The following SNTA1 variants were observed in gnomAD, a reference collection of about 807,000 sequenced individuals.
The protein encoded by SNTA1 is syntrophin alpha 1, also known as alpha-1-syntrophin.
SNTA1 carries 31 observed loss-of-function variants against 47.1 expected under a neutral mutation model. The ratio of observed to expected loss-of-function variants is 0.66; its 90% CI spans 0.49 to 0.89. The LOEUF (loss-of-function observed/expected upper bound fraction) is 0.89. SNTA1 is among the 40% of genes least tolerant of loss of function. The pLI is 0.00. For synonymous variants in SNTA1, 300 were observed against 313.6 expected (o/e 0.96, Z 0.46); for missense variants, 575 against 693.0 (o/e 0.83, Z 1.91).
At chr20:33,426,757 A>C (rs1418763576) in intron 2 of SNTA1, among the ~76,000 whole-genome samples, 1 of 151,844 alleles carries the variant, frequency 6.6e-6, no homozygotes, top group Non-Finnish European at 1.5e-5. Flanking sequence ...CATCTCAAAC[A>C]AACAAACAAA....
chr20:33,436,038 C>G (rs886304471), intron 2 of SNTA1, among the ~76,000 whole-genome samples: 2 of 151,840 alleles, frequency 1.3e-5, no homozygotes, highest in Non-Finnish European at 2.9e-5. Context: ...ACTAATAATA[C>G]AAAAAATTAG....
intron 1 of SNTA1, 151 bp downstream of exon 1, chr20:33,443,160 G>T: frequency 2.1e-6 from 1 of 485,832 alleles, no homozygotes; most frequent in Non-Finnish European, 3.4e-6. Flanking sequence ...ACCTTGGTGT[G>T]CCCAGTGCCC....
Position 33,443,532 on chromosome 20 carries a change from C to G in SNTA1, c.89G>C (p.Arg30Pro). ...GSGAGGERWQ[R>P]VLLSLAEDVL... ...GTCCTCCGCCAGACTCAGCAGCACC[C>G]GCTGCCATCGCTCGCCGCCGGCCCC... Residue 30 changes from arginine to proline, a missense_variant, in exon 1 of 8, where the codon CGG becomes CCG. Coordinates refer to ENST00000217381, the MANE Select transcript of SNTA1 (RefSeq NM_003098.3). 1 of 1,347,908 alleles carries G rather than the reference C, an allele frequency of 7.4e-7. No homozygotes were observed. Among genetic ancestry groups the G allele is most frequent in the Non-Finnish European group, 9.6e-7 (1 of 1,042,646 alleles). The allele number at this position is 1,347,908 out of a possible 1,614,324, so 83.5% of individuals were successfully genotyped here. A position where few individuals can be genotyped will look rare whatever the true frequency, so the allele number is the denominator to read the frequency against.
At chr20:33,432,892 T>C (rs1369964176) in intron 2 of SNTA1, among the ~76,000 whole-genome samples, 1 of 152,138 alleles carries the variant, frequency 6.6e-6, no homozygotes, top group Non-Finnish European at 1.5e-5. Context: ...ATGAGGGCTA[T>C]ACCTTCCTTA....
In SNTA1 at chr20:33,410,166, C is replaced by T; in HGVS notation, c.1206G>A (p.Arg402=). ...WTRQLVDGCH[R]AAEGVQEVST... Reference sequence around the variant, plus strand: ...ACACCTCCTGCACACCCTCGGCGGCCCGGTGACAGCCATCCACAAGCTGGC... The same window carrying T: ...ACACCTCCTGCACACCCTCGGCGGCTCGGTGACAGCCATCCACAAGCTGGC... The change falls in exon 6 of 8, where the codon CGG becomes CGA. Residue 402 remains arginine, a synonymous_variant. Transcript: ENST00000217381. The T allele has an allele frequency of 6.2e-7, 1 of 1,614,226 alleles. No homozygotes were observed. The highest frequency in any genetic ancestry group is 8.5e-7 in the Non-Finnish European group (1 of 1,180,044).
In SNTA1 at chr20:33,443,317, T is replaced by C; in HGVS notation, c.304A>G (p.Ile102Val). 1.3e-6 allele frequency: 2 copies of C among 1,509,292 alleles called. No individual in the cohort carries two copies. Among genetic ancestry groups the C allele is most frequent in the Non-Finnish European group, 8.8e-7 (1 of 1,136,380 alleles). 93.5% of individuals were successfully genotyped at this position (1,509,292 alleles called of 1,614,324 possible). The change falls in exon 1 of 8, where the codon ATC becomes GTC. Residue 102 changes from isoleucine to valine, a missense_variant. Transcript: ENST00000217381. ...KADAGGLGISIKGGRENKMPI... is the reference protein window; with the variant it reads ...KADAGGLGISVKGGRENKMPI... ...CTCGGTGTCCCGCGCCCACCTTTGA[T>C]GCTGATGCCCAGCCCACCGGCGTCG...
intron 3 of SNTA1, among the ~76,000 whole-genome samples, chr20:33,414,992 TTA>T (rs1448535670): frequency 1.3e-5 from 2 of 152,206 alleles, no homozygotes; most frequent in Non-Finnish European, 1.5e-5. Context: ...GCAGTTTTCA[TTA>T]TATTTTGGTT....
chr20:33,442,310 G>C (rs979052335), intron 1 of SNTA1, among the ~76,000 whole-genome samples: 6 of 152,138 alleles, frequency 3.9e-5, no homozygotes, highest in Non-Finnish European at 7.3e-5. Context: ...ACCCCAGAGG[G>C]TACGGTATGT....
chr20:33,430,093 G>C (rs1362672809), intron 2 of SNTA1, among the ~76,000 whole-genome samples: 2 of 152,002 alleles, frequency 1.3e-5, no homozygotes, highest in African/African-American at 4.8e-5. Flanking sequence ...ATAGTTCAGA[G>C]ATAATGCTCG....
intron 2 of SNTA1, among the ~76,000 whole-genome samples, chr20:33,434,390 C>G (rs1990382554): frequency 6.6e-6 from 1 of 152,004 alleles, no homozygotes. Context: ...AGATCTTGGG[C>G]CAGGAGAATA....
chr20:33,437,599 T>A (rs1990474491), intron 2 of SNTA1, among the ~76,000 whole-genome samples: 1 of 152,142 alleles, frequency 6.6e-6, no homozygotes, highest in Non-Finnish European at 1.5e-5. Flanking sequence ...TCTTGGACAC[T>A]CCTTTAGGGA....
rs114358533 is a variant in SNTA1 at position 33,415,373 on chromosome 20, C to T, written c.701+2346G>A. On this transcript the variant is annotated intron_variant, in intron 3 of 7. Transcript: ENST00000217381. Reference sequence around the variant, plus strand: ...CCTTCACACTCACAGAAGGCCCTTCCGGGCCGGGCATGGTGGCTCACCCCT... The same window carrying T: ...CCTTCACACTCACAGAAGGCCCTTCTGGGCCGGGCATGGTGGCTCACCCCT... Among the ~76,000 whole-genome samples, 1,318 of 152,290 alleles carry T rather than the reference C, an allele frequency of 8.7e-3. 11 individuals carry two copies. Among genetic ancestry groups the T allele is most frequent in the African/African-American group, 0.029 (1,202 of 41,554 alleles).
At position 33,417,889 on chromosome 20, in the gene SNTA1, C is replaced by A. The variant is rs1989916702; in HGVS notation, c.531G>T (p.Lys177Asn). ...CGACCGAGGTCCCACCAGTAGAGTT[C>A]TTGAAATACGGTGAGACGTCCTTCA... ...KYMKDVSPYF[K>N]NSTGGTSVGW... The change falls in exon 3 of 8, where the codon AAG becomes AAT. Residue 177 changes from lysine (K) to asparagine (N), a missense_variant. By Grantham distance (94) the Lys-to-Asn change is moderately conservative (BLOSUM62 0). Transcript: ENST00000217381. The A allele has an allele frequency of 1.2e-6, 2 of 1,614,020 alleles. No homozygotes were observed. Among genetic ancestry groups the A allele is most frequent in the South Asian group, 2.2e-5 (2 of 91,070 alleles).
chr20:33,411,154 A>G (rs992885735), intron 5 of SNTA1, among the ~76,000 whole-genome samples: 9 of 151,758 alleles, frequency 5.9e-5, no homozygotes, highest in Admixed American at 1.3e-4. Context: ...TCTTTCTCCT[A>G]TAGCTCAGTT....
intron 2 of SNTA1, among the ~76,000 whole-genome samples, chr20:33,425,931 C>T (rs1310055127): frequency 6.7e-6 from 1 of 150,202 alleles, no homozygotes; most frequent in East Asian, 2.0e-4. Flanking sequence ...AAAAAATTAG[C>T]CAGGCATGGT....
At chr20:33,435,547 C>T (rs952766689) in intron 2 of SNTA1, among the ~76,000 whole-genome samples, 1 of 152,050 alleles carries the variant, frequency 6.6e-6, no homozygotes, top group Non-Finnish European at 1.5e-5. Flanking sequence ...AAGCTGAGAT[C>T]GCACTACTGC....
Position 33,408,767 on chromosome 20 carries a change from C to A in SNTA1, c.1359G>T (p.Leu453=). The A allele has an allele frequency of 6.2e-7, 1 of 1,614,206 alleles. No homozygotes were observed. The highest frequency in any genetic ancestry group is 8.5e-7 in the Non-Finnish European group (1 of 1,180,032). ...TGGCACCGTCATCTGAAGACATCTG[C>A]AGCTTCTCGAAGGGCTGTCGCAGGA... ...AVLLRQPFEK[L]QMSSDDGASL... Residue 453 remains leucine, a synonymous_variant, in exon 7 of 8, where the codon CTG becomes CTT. Coordinates refer to ENST00000217381, the MANE Select transcript of SNTA1 (RefSeq NM_003098.3).
intron 6 of SNTA1, among the ~76,000 whole-genome samples, chr20:33,409,466 C>T (rs1568746389): frequency 6.8e-6 from 1 of 147,464 alleles, no homozygotes; most frequent in African/African-American, 2.5e-5. Context: ...ACCCAACTTC[C>T]TTTTTTTTTT....
In SNTA1 at chr20:33,415,379, G is replaced by A. The variant is rs148271979; in HGVS notation, c.701+2340C>T. Reference sequence around the variant, plus strand: ...CACTCACAGAAGGCCCTTCCGGGCCGGGCATGGTGGCTCACCCCTGTAATC... The same window carrying A: ...CACTCACAGAAGGCCCTTCCGGGCCAGGCATGGTGGCTCACCCCTGTAATC... On this transcript the variant is annotated intron_variant, in intron 3 of 7. Coordinates refer to ENST00000217381, the MANE Select transcript of SNTA1 (RefSeq NM_003098.3). Among the ~76,000 whole-genome samples the A allele has an allele frequency of 2.2e-3, 342 of 152,292 alleles. 3 individuals carry two copies. The highest frequency in any genetic ancestry group is 7.7e-3 in the African/African-American group (318 of 41,560).
Sources: gnomAD v4.1 joint callset for allele counts (sites outside exome capture counted in the v4.1 genomes callset) on GRCh38, gnomAD v4.1.1 for gene constraint, MANE v1.5 for transcripts, NCBI Gene and HGNC (gene_info 2026-07-23, HGNC 2026-07-21) for gene names.